The following JAZF1 variants were observed in gnomAD, a reference collection of about 807,000 sequenced individuals.
JAZF1 encodes JAZF zinc finger 1.
Under a neutral mutation model 26.4 loss-of-function variants are expected in JAZF1, and 8 were observed. That is an observed-to-expected ratio of 0.30 (90% CI 0.18 to 0.55). JAZF1 has a LOEUF of 0.55. Among genes scored for constraint, JAZF1 ranks in the 20% least tolerant of loss-of-function variants. The pLI is 0.94. For missense variants in JAZF1, 199 were observed against 322.0 expected, an observed-to-expected ratio of 0.62 and a Z score of 2.92; for synonymous variants, 126 against 122.3, an observed-to-expected ratio of 1.03 and a Z score of -0.20.
At chr7:28,170,967 C>T (rs1583597444) in intron 1 of JAZF1, among the ~76,000 whole-genome samples, 1 of 152,150 alleles carries the variant, frequency 6.6e-6, no homozygotes, top group Admixed American at 6.6e-5. Context: ...AAGCAACTAG[C>T]CAGTAGGTAC....
At chr7:27,963,915 G>A (rs1056591925) in intron 2 of JAZF1, among the ~76,000 whole-genome samples, 3 of 152,116 alleles carry the variant, frequency 2.0e-5, no homozygotes, top group African/African-American at 7.2e-5. Flanking sequence ...TAAAGGGCTG[G>A]ATGTAAGCAG....
chr7:27,838,574 T>G (rs1429227766), intron 4 of JAZF1, among the ~76,000 whole-genome samples: 2 of 152,170 alleles, frequency 1.3e-5, no homozygotes, highest in Non-Finnish European at 2.9e-5. Flanking sequence ...ACTTCTGGAT[T>G]CTGCCCGAGT....
intron 1 of JAZF1, among the ~76,000 whole-genome samples, chr7:28,052,891 GT>G (rs149641527): frequency 5.3e-4 from 81 of 151,680 alleles, no homozygotes; most frequent in African/African-American, 1.9e-3. Context: ...TAAGTATATA[GT>G]TCAGCAGTGT....
chr7:28,164,995 C>G (rs1414466783), intron 1 of JAZF1, among the ~76,000 whole-genome samples: 1 of 151,972 alleles, frequency 6.6e-6, no homozygotes, highest in African/African-American at 2.4e-5. Flanking sequence ...ACAGGGAGAC[C>G]CCATCTCTAC....
At chr7:28,047,873 A>C (rs1783523945) in intron 1 of JAZF1, among the ~76,000 whole-genome samples, 1 of 152,122 alleles carries the variant, frequency 6.6e-6, no homozygotes, top group Admixed American at 6.5e-5. Flanking sequence ...TATATTGATA[A>C]ATTAGATGGT....
chr7:27,981,778 T>A (rs1011863106), intron 2 of JAZF1, among the ~76,000 whole-genome samples: 2 of 152,202 alleles, frequency 1.3e-5, no homozygotes, highest in East Asian at 1.9e-4. Flanking sequence ...TTCTCCGAGA[T>A]GACTTATCCA....
intron 1 of JAZF1, among the ~76,000 whole-genome samples, chr7:28,047,511 A>G (rs757805044): frequency 1.3e-5 from 2 of 152,154 alleles, no homozygotes; most frequent in Non-Finnish European, 2.9e-5. Context: ...GTAAATTTCT[A>G]TCGTTTATCT....
Position 28,174,811 on chromosome 7 carries a change from G to GGGGTGTGT in JAZF1, c.115+5644_115+5651dup, listed in dbSNP as rs1185938833. Among the ~76,000 whole-genome samples the GGGGTGTGT allele has an allele frequency of 3.3e-5, 2 of 59,936 alleles. 1 individual carries two copies. Among genetic ancestry groups the GGGGTGTGT allele is most frequent in the African/African-American group, 9.2e-5 (2 of 21,780 alleles). The allele number at this position is 59,936 out of a possible 152,430, so 39.3% of individuals were successfully genotyped here. ...TTTCGGGTTCCCTGATCCTGCCTATGGGGTGTGTGGGTGTGTGTGTGTGTG... is the reference window on the plus strand; with the variant it reads ...TTTCGGGTTCCCTGATCCTGCCTATGGGGTGTGTGGGTGTGTGGGTGTGTGTGTGTGTG... On this transcript the variant is annotated intron_variant, in intron 1 of 4. Coordinates refer to ENST00000283928, the MANE Select transcript of JAZF1 (RefSeq NM_175061.4).
intron 2 of JAZF1, among the ~76,000 whole-genome samples, chr7:27,933,981 A>G (rs1784725483): frequency 6.6e-6 from 1 of 152,258 alleles, no homozygotes; most frequent in Non-Finnish European, 1.5e-5. Context: ...TTTTGCAAAC[A>G]GCCAACATAA....
At chr7:28,129,415 G>T (rs900502341) in intron 1 of JAZF1, among the ~76,000 whole-genome samples, 8 of 152,060 alleles carry the variant, frequency 5.3e-5, no homozygotes, top group Admixed American at 3.3e-4. Flanking sequence ...GATTTCTGGG[G>T]CCCGAACATT....
At position 27,847,151 on chromosome 7, in the gene JAZF1, C is replaced by CT. The variant is rs80005826; in HGVS notation, c.386-6285dup. Among the ~76,000 whole-genome samples, 806 of 136,360 alleles carry CT rather than the reference C, an allele frequency of 5.9e-3. 3 individuals carry two copies. Among genetic ancestry groups the CT allele is most frequent in the East Asian group, 0.021 (92 of 4,330 alleles). The allele number at this position is 136,360 out of a possible 152,430, so 89.5% of individuals were successfully genotyped here. On this transcript the variant is annotated intron_variant, in intron 3 of 4. Coordinates refer to ENST00000283928, the MANE Select transcript of JAZF1 (RefSeq NM_175061.4). ...TGCACCACCCCGCCTGGCTTTTTTT[C>CT]TTTTTTTTTTTTTTTTTTAGTAGAG...
At chr7:28,084,447 CA>C (rs1784183299) in intron 1 of JAZF1, among the ~76,000 whole-genome samples, 1 of 152,202 alleles carries the variant, frequency 6.6e-6, no homozygotes, top group African/African-American at 2.4e-5. Flanking sequence ...ACTCCCACTT[CA>C]AAATTTGGGT....
chr7:27,998,052 A>T (rs1786053903), intron 1 of JAZF1, among the ~76,000 whole-genome samples: 1 of 143,134 alleles, frequency 7.0e-6, no homozygotes, highest in African/African-American at 2.7e-5. Flanking sequence ...GAAGGAAGGA[A>T]GGAAGGAAGG....
At chr7:27,882,947 G>C (rs557661422) in intron 3 of JAZF1, among the ~76,000 whole-genome samples, 2 of 152,052 alleles carry the variant, frequency 1.3e-5, no homozygotes, top group African/African-American at 4.8e-5. Flanking sequence ...TGGCAGTCTC[G>C]GGCGTCTGTT....
chr7:28,168,049 C>T (rs931870384), intron 1 of JAZF1, among the ~76,000 whole-genome samples: 29 of 152,096 alleles, frequency 1.9e-4, no homozygotes, highest in African/African-American at 6.3e-4. Context: ...TTGTCTTGCA[C>T]AATGTTTTTA....
rs550270459 is a variant in JAZF1, at chr7:28,180,149, A to G, written c.115+314T>C. ...GCCGGCACTCGGCCCCGCCGCCGCA[A>G]CCCCGCCGCCCCGCCGCGGCGCTCC... On this transcript the variant is annotated intron_variant, in intron 1 of 4. Coordinates refer to ENST00000283928, the MANE Select transcript of JAZF1 (RefSeq NM_175061.4). 8.4e-5 allele frequency among the ~76,000 whole-genome samples: 10 copies of G among 119,010 alleles called. No homozygotes were observed. The South Asian group carries it at 1.3e-3, about 15-fold the overall frequency. The allele number at this position is 119,010 out of a possible 152,430, so 78.1% of individuals were successfully genotyped here. A position where few individuals can be genotyped will look rare whatever the true frequency, so the allele number is the denominator to read the frequency against.
intron 1 of JAZF1, among the ~76,000 whole-genome samples, chr7:28,168,823 A>T (rs1783409791): frequency 6.6e-6 from 1 of 152,318 alleles, no homozygotes; most frequent in Non-Finnish European, 1.5e-5. Flanking sequence ...TTGAAACAAC[A>T]CAATCCTCCC....
intron 1 of JAZF1, among the ~76,000 whole-genome samples, chr7:28,100,767 G>GAAGC (rs1351279545): frequency 1.3e-4 from 20 of 152,230 alleles, no homozygotes; most frequent in African/African-American, 4.6e-4. Context: ...CTGAAATTCT[G>GAAGC]AGAAGCAAAG....
At chr7:27,900,046 C>A (rs548207165) in intron 2 of JAZF1, among the ~76,000 whole-genome samples, 15 of 152,288 alleles carry the variant, frequency 9.8e-5, no homozygotes, top group Admixed American at 2.0e-4. Context: ...TGTGTGGGAC[C>A]ACTGGGCTCC....
Sources: allele counts gnomAD v4.1 joint callset (sites outside exome capture counted in the v4.1 genomes callset), GRCh38; gene constraint gnomAD v4.1.1; transcripts MANE v1.5; gene names NCBI Gene and HGNC (gene_info 2026-07-23, HGNC 2026-07-21).